Variants in DEFB104B observed in about 807,000 individuals in gnomAD.
The protein encoded by DEFB104B is defensin beta 104B.
intron 1 of DEFB104B, among the ~76,000 whole-genome samples, chr8:7,471,021 C>G (rs556241512): frequency 6.6e-6 from 1 of 151,648 alleles, no homozygotes; most frequent in Admixed American, 6.6e-5. Flanking sequence ...TTTTATGTCT[C>G]AACCTTAAGT....
chr8:7,472,950 G>C (rs1811006091), intron 1 of DEFB104B, among the ~76,000 whole-genome samples: 1 of 112,550 alleles, frequency 8.9e-6, no homozygotes, highest in Non-Finnish European at 1.8e-5. Flanking sequence ...TCCACCTCTT[G>C]GGTTCAAGCG....
At chr8:7,472,330 C>T (rs1375640536) in intron 1 of DEFB104B, among the ~76,000 whole-genome samples, 1 of 119,502 alleles carries the variant, frequency 8.4e-6, no homozygotes, top group Admixed American at 8.6e-5. Flanking sequence ...GAAGAGAACC[C>T]AACCTTTAAA....
chr8:7,472,656 G>A (rs6985641), intron 1 of DEFB104B, among the ~76,000 whole-genome samples: 35,901 of 115,630 alleles, frequency 0.31, 3,867 homozygotes, highest in African/African-American at 0.48. Context: ...AAAATCTTAG[G>A]CAGGTCTCAG....
chr8:7,472,718 G>T (rs1447088163), intron 1 of DEFB104B, among the ~76,000 whole-genome samples: 1 of 132,646 alleles, frequency 7.5e-6, no homozygotes, highest in African/African-American at 3.0e-5. Flanking sequence ...ACACACCTGT[G>T]ACACAACCTC....
At chr8:7,474,272 C>T (rs1422243372) in intron 1 of DEFB104B, among the ~76,000 whole-genome samples, 2 of 146,032 alleles carry the variant, frequency 1.4e-5, no homozygotes, top group African/African-American at 2.5e-5. Flanking sequence ...CTCTAAAAAT[C>T]TTATTTTCTC....
intron 1 of DEFB104B, among the ~76,000 whole-genome samples, chr8:7,471,196 A>G (rs1487542422): frequency 6.9e-6 from 1 of 144,046 alleles, no homozygotes; most frequent in Non-Finnish European, 1.5e-5. Context: ...ATATAGAGAG[A>G]GATACATACA....
In DEFB104B at chr8:7,474,078, G is replaced by GA. The variant is rs1249549597; in HGVS notation, c.58+932dup. Among the ~76,000 whole-genome samples, 58 of 140,438 alleles carry GA rather than the reference G, an allele frequency of 4.1e-4. 5 individuals are homozygous for GA. Among genetic ancestry groups the GA allele is most frequent in the Non-Finnish European group, 7.5e-4 (47 of 62,674 alleles). The allele number at this position is 140,438 out of a possible 152,430, so 92.1% of individuals were successfully genotyped here. ...GAGTTAACCTAAACAGGTACCCTCT[G>GA]AAAAAAAATCATTAACCCATCTGAA... On this transcript the variant is annotated intron_variant, in intron 1 of 1. Coordinates refer to ENST00000316169, the MANE Select transcript of DEFB104B (RefSeq NM_001040702.1).
chr8:7,474,227 G>A (rs1811050703), intron 1 of DEFB104B, among the ~76,000 whole-genome samples: 2 of 144,820 alleles, frequency 1.4e-5, no homozygotes, highest in Admixed American at 6.9e-5. Flanking sequence ...CAAAACAATT[G>A]GTTTCGTCCC....
At chr8:7,474,285 A>G (rs1283980597) in intron 1 of DEFB104B, among the ~76,000 whole-genome samples, 1 of 146,166 alleles carries the variant, frequency 6.8e-6, no homozygotes, top group Admixed American at 6.8e-5. Context: ...ATTTTCTCTC[A>G]CTGTACTATA....
At chr8:7,471,299 C>T (rs1166096048) in intron 1 of DEFB104B, among the ~76,000 whole-genome samples, 2 of 122,982 alleles carry the variant, frequency 1.6e-5, no homozygotes, top group Admixed American at 1.7e-4. Context: ...CAATGAGGCC[C>T]ATGTTTATGT....
chr8:7,474,960 C>G (rs1472045416), intron 1 of DEFB104B, 51 bp downstream of exon 1: 2 of 521,622 alleles, frequency 3.8e-6, no homozygotes, highest in African/African-American at 4.0e-5. Flanking sequence ...TTCTTCTCCC[C>G]CTGTCATCCC....
At chr8:7,472,906 G>T (rs1585521492) in intron 1 of DEFB104B, among the ~76,000 whole-genome samples, 1 of 122,342 alleles carries the variant, frequency 8.2e-6, no homozygotes, top group Admixed American at 8.5e-5. Flanking sequence ...GCCTAGGGTA[G>T]AGTGCAATGG....
At chr8:7,471,950 G>A (rs1299834848) in intron 1 of DEFB104B, among the ~76,000 whole-genome samples, 1 of 150,708 alleles carries the variant, frequency 6.6e-6, no homozygotes, top group Non-Finnish European at 1.5e-5. Flanking sequence ...TAGGTATCAA[G>A]GTTCTTTGTC....
chr8:7,474,642 CA>C (rs1379446921), intron 1 of DEFB104B, among the ~76,000 whole-genome samples: 2 of 141,270 alleles, frequency 1.4e-5, no homozygotes, highest in East Asian at 4.0e-4. Flanking sequence ...TCTTATTCTA[CA>C]AAATCAACAA....
intron 1 of DEFB104B, among the ~76,000 whole-genome samples, chr8:7,472,974 C>A (rs1342254242): frequency 1.9e-5 from 2 of 103,110 alleles, no homozygotes; most frequent in African/African-American, 7.5e-5. Context: ...CTCCTGCCTC[C>A]GCCTCCTGAG....
chr8:7,474,503 A>C (rs1811061955), intron 1 of DEFB104B, among the ~76,000 whole-genome samples: 1 of 141,786 alleles, frequency 7.1e-6, no homozygotes, highest in South Asian at 2.2e-4. Flanking sequence ...TTGCCTACTG[A>C]AATCACTGCA....
At chr8:7,472,841 T>TTTTG (rs1267225092) in intron 1 of DEFB104B, among the ~76,000 whole-genome samples, 4 of 135,156 alleles carry the variant, frequency 3.0e-5, no homozygotes, top group Admixed American at 1.5e-4. Flanking sequence ...GCTTTGTTTT[T>TTTTG]TTTGTTTGTT....
intron 1 of DEFB104B, among the ~76,000 whole-genome samples, chr8:7,474,334 T>A (rs1811054762): frequency 6.9e-6 from 1 of 144,822 alleles, no homozygotes; most frequent in African/African-American, 2.5e-5. Flanking sequence ...GGAATTAGAT[T>A]AGGTGCTCAC....
rs1811077102 is a variant in DEFB104B, at chr8:7,475,049, A to G, written c.20T>C (p.Leu7Pro). The change falls in exon 1 of 2, where the codon CTA becomes CCA. Residue 7 changes from leucine (L) to proline (P), a missense_variant. Coordinates refer to ENST00000316169, the MANE Select transcript of DEFB104B (RefSeq NM_001040702.1). Reference protein sequence around the residue: MQRLVLLLAISLLLYQD... With the variant: MQRLVLPLAISLLLYQD... ...ATAGAGTAGAAGAGAAATGGCTAATAGCAGCACAAGTCTCTGCATAATGCT... is the reference window on the plus strand; with the variant it reads ...ATAGAGTAGAAGAGAAATGGCTAATGGCAGCACAAGTCTCTGCATAATGCT... 2.3e-6 allele frequency: 2 copies of G among 886,998 alleles called. No homozygotes were observed. The highest frequency in any genetic ancestry group is 2.9e-5 in the East Asian group (1 of 35,038). 54.9% of individuals were successfully genotyped at this position (886,998 alleles called of 1,614,324 possible). A position where few individuals can be genotyped will look rare whatever the true frequency, so the allele number is the denominator to read the frequency against.
Sources: allele counts gnomAD v4.1 joint callset (sites outside exome capture counted in the v4.1 genomes callset), GRCh38; gene constraint gnomAD v4.1.1; transcripts MANE v1.5; gene names NCBI Gene and HGNC (gene_info 2026-07-23, HGNC 2026-07-21).